MROH2A: variants seen among roughly 807,000 people sequenced by gnomAD.
MROH2A encodes the protein maestro heat-like repeat-containing protein family member 2A.
In MROH2A, 174 loss-of-function variants were observed where a neutral mutation model predicts 200.4. The ratio of observed to expected loss-of-function variants is 0.87; its 90% CI spans 0.77 to 0.98. The LOEUF (loss-of-function observed/expected upper bound fraction) is 0.98, where lower values mean the gene tolerates loss of function less well. Ranked by LOEUF, MROH2A falls within the 50% of genes least tolerant of loss-of-function variation. The pLI is 0.00. For missense variants in MROH2A, 2,045 were observed against 2,139.6 expected (o/e 0.96, Z 0.87); for synonymous variants, 829 against 840.4 (o/e 0.99, Z 0.23).
intron 6 of MROH2A, among the ~76,000 whole-genome samples, chr2:233,793,422 T>G (rs1701906288): frequency 6.6e-6 from 1 of 152,156 alleles, no homozygotes; most frequent in Non-Finnish European, 1.5e-5. Flanking sequence ...AGGGTCATAC[T>G]CCAGGCCTCG....
chr2:233,803,962 C>A, intron 16 of MROH2A, 89 bp from the exon 17 acceptor site: 1 of 1,468,992 alleles, frequency 6.8e-7, no homozygotes, highest in South Asian at 1.3e-5. Context: ...TCTTGTCCAG[C>A]TCCTCCCTTT....
At position 233,799,752 on chromosome 2, in the gene MROH2A, C is replaced by T. The variant is rs1366135827; in HGVS notation, c.1330-28C>T. On this transcript the variant is annotated intron_variant, in intron 12 of 41. Coordinates refer to ENST00000389758, the MANE Select transcript of MROH2A (RefSeq NM_001394639.1). ...GTGCCTTGGAGCCCACCCCAACCCCCAGCATGTCCACGGTCCTGTCCCCTC... is the reference window on the plus strand; with the variant it reads ...GTGCCTTGGAGCCCACCCCAACCCCTAGCATGTCCACGGTCCTGTCCCCTC... 5 of 1,549,864 alleles carry T rather than the reference C, an allele frequency of 3.2e-6. No individual in the cohort carries two copies. In the African/African-American group the frequency reaches 5.5e-5, roughly 17 times the overall value.
chr2:233,782,340 C>T (rs1700990073), intron 3 of MROH2A, among the ~76,000 whole-genome samples: 1 of 152,158 alleles, frequency 6.6e-6, no homozygotes, highest in Admixed American at 6.5e-5. Context: ...CATGAAATAG[C>T]TTTCCATTTT....
chr2:233,795,364 G>A (rs1311162588), intron 8 of MROH2A, among the ~76,000 whole-genome samples: 1 of 152,166 alleles, frequency 6.6e-6, no homozygotes, highest in South Asian at 2.1e-4. Flanking sequence ...GATCATTCTG[G>A]CTAAATAATG....
chr2:233,780,282 C>G (rs1700889476), intron 3 of MROH2A, among the ~76,000 whole-genome samples: 1 of 152,186 alleles, frequency 6.6e-6, no homozygotes. Flanking sequence ...AGGTTTGCAT[C>G]ACGTGGTACC....
chr2:233,776,442 G>A (rs150224279), upstream of MROH2A, among the ~76,000 whole-genome samples: 4,726 of 147,100 alleles, frequency 0.032, 237 homozygotes, highest in African/African-American at 0.11. Context: ...TGCAACCTCC[G>A]CCTCCTGGGT....
At position 233,828,865 on chromosome 2, in the gene MROH2A, C is replaced by T. The variant is rs1409425876; in HGVS notation, c.4264-25C>T. Reference sequence around the variant, plus strand: ...GTCAGCCTGGGAGGGAGGGTGCAGGCTGAGGGCTGCCCATGCCCCTCCAGG... The same window carrying T: ...GTCAGCCTGGGAGGGAGGGTGCAGGTTGAGGGCTGCCCATGCCCCTCCAGG... On this transcript the variant is annotated intron_variant, in intron 36 of 41. Transcript: ENST00000389758. The surrounding 1 kb of genome is among the most constrained non-coding windows in gnomAD (Gnocchi z 4.6). 6.5e-7 allele frequency: 1 copy of T among 1,550,206 alleles called. No individual in the cohort carries two copies. The highest frequency in any genetic ancestry group is 2.0e-5 in the Admixed American group (1 of 50,976).
At chr2:233,823,150 C>A (rs1704065376) in intron 34 of MROH2A, 132 bp downstream of exon 34, 15 of 941,418 alleles carry the variant, frequency 1.6e-5, no homozygotes, top group Admixed American at 5.0e-5. Flanking sequence ...GCCACGCCAA[C>A]CTGTGACTCT....
intron 28 of MROH2A, among the ~76,000 whole-genome samples, chr2:233,818,397 C>T (rs572354810): frequency 1.4e-4 from 22 of 152,234 alleles, no homozygotes; most frequent in African/African-American, 4.1e-4. Flanking sequence ...AGTCAGCTCC[C>T]AGATGCCAAG....
At chr2:233,803,532 GC>G in intron 16 of MROH2A, 44 bp downstream of exon 16, 1 of 1,546,846 alleles carries the variant, frequency 6.5e-7, no homozygotes. Flanking sequence ...GCAAGGCCAT[GC>G]CCTGTGGCAC....
At chr2:233,832,491 C>T (rs552772868) in intron 40 of MROH2A, 88 bp from the exon 41 acceptor site, 1 of 1,132,734 alleles carries the variant, frequency 8.8e-7, no homozygotes, top group Admixed American at 2.0e-5. Context: ...CATCAATGCT[C>T]TCATAACGTA....
At chr2:233,832,137 C>T in intron 39 of MROH2A, 40 bp from the exon 40 acceptor site, 1 of 1,468,264 alleles carries the variant, frequency 6.8e-7, no homozygotes, top group South Asian at 1.2e-5. Flanking sequence ...TTGTCAGGGT[C>T]TCATCCTCCA....
At chr2:233,814,516 C>T in intron 25 of MROH2A, 66 bp from the exon 26 acceptor site, 1 of 1,187,990 alleles carries the variant, frequency 8.4e-7, no homozygotes, top group South Asian at 1.3e-5. Context: ...GCATGAACTC[C>T]CTGCAGGGAG....
chr2:233,805,754 A>G (rs948461914), intron 19 of MROH2A, among the ~76,000 whole-genome samples: 1 of 152,252 alleles, frequency 6.6e-6, no homozygotes, highest in Admixed American at 6.5e-5. Context: ...AGAGTCCAGA[A>G]ATAAACTCTC....
At chr2:233,812,469 C>A (rs1044007652) in intron 24 of MROH2A, among the ~76,000 whole-genome samples, 1 of 152,200 alleles carries the variant, frequency 6.6e-6, no homozygotes, top group African/African-American at 2.4e-5. Flanking sequence ...TGGGTCATCT[C>A]TAAGAATACC....
chr2:233,829,148 C>A, intron 37 of MROH2A, 76 bp downstream of exon 37: 1 of 1,366,014 alleles, frequency 7.3e-7, no homozygotes. Flanking sequence ...AAGAGATGGG[C>A]TCTAGAGCAG....
At position 233,816,906 on chromosome 2, in the gene MROH2A, C is replaced by T. The variant is rs181648111; in HGVS notation, c.2961+21C>T. The T allele has an allele frequency of 5.1e-5, 72 of 1,405,542 alleles. No homozygotes were observed. In the African/African-American group the frequency reaches 8.8e-4, roughly 17 times the overall value. 87.1% of individuals were successfully genotyped at this position (1,405,542 alleles called of 1,614,324 possible). The stretch of plus-strand genomic sequence containing the variant: ...TCTGTGTGAGTCCAGGAGTCCCCAG[C>T]CCCCAGCCTGCTGCTCTGACATGCA... On this transcript the variant is annotated intron_variant, in intron 27 of 41. Coordinates refer to ENST00000389758, the MANE Select transcript of MROH2A (RefSeq NM_001394639.1).
Position 233,833,393 on chromosome 2 carries a change from T to C in MROH2A, c.*134T>C, listed in dbSNP as rs946437781. 4 of 1,036,390 alleles carry C rather than the reference T, an allele frequency of 3.9e-6. No homozygotes were observed. Among genetic ancestry groups the C allele is most frequent in the Non-Finnish European group, 5.3e-6 (4 of 750,986 alleles). The allele number at this position is 1,036,390 out of a possible 1,614,324, so 64.2% of individuals were successfully genotyped here. A position where few individuals can be genotyped will look rare whatever the true frequency, so the allele number is the denominator to read the frequency against. ...CTAGTATCCTTTTGTTTCCTTCCGTTGAAATAAACCTCCACTGTCGTTGGA... is the reference window on the plus strand; with the variant it reads ...CTAGTATCCTTTTGTTTCCTTCCGTCGAAATAAACCTCCACTGTCGTTGGA... On this transcript the variant is annotated 3_prime_UTR_variant, in exon 42 of 42. Transcript: ENST00000389758.
At chr2:233,821,978 A>G (rs1703967103) in intron 31 of MROH2A, 146 bp from the exon 32 acceptor site, 1 of 925,806 alleles carries the variant, frequency 1.1e-6, no homozygotes, top group South Asian at 1.8e-5. Context: ...AAGCACGCAA[A>G]TTTTGGCGGC....
Sources: gnomAD v4.1 joint callset for allele counts (sites outside exome capture counted in the v4.1 genomes callset) on GRCh38, gnomAD v4.1.1 for gene constraint, Gnocchi (gnomAD v3.1) non-coding constraint, MANE v1.5 for transcripts, NCBI Gene and HGNC (gene_info 2026-07-23, HGNC 2026-07-21) for gene names.